Variants in MYOZ3 observed in about 807,000 individuals in gnomAD.
The protein encoded by MYOZ3 is myozenin-3.
A neutral mutation model predicts 26.5 loss-of-function variants in MYOZ3; 19 were observed. The observed-to-expected ratio is 0.72, with a 90% CI of 0.50 to 1.05. The LOEUF is 1.05. MYOZ3 is among the 50% of genes least tolerant of loss of function. MYOZ3 has a pLI of 0.00. For missense variants in MYOZ3, 322 were observed against 337.1 expected, an observed-to-expected ratio of 0.96 and a Z score of 0.35; for synonymous variants, 135 against 138.8, an observed-to-expected ratio of 0.97 and a Z score of 0.19.
chr5:150,666,886 A>C (rs1299305976), intron 2 of MYOZ3, among the ~76,000 whole-genome samples: 2 of 151,786 alleles, frequency 1.3e-5, no homozygotes, highest in East Asian at 1.9e-4. Context: ...CAGCCTCCCA[A>C]GTAGCTGAAT....
chr5:150,676,581 T>C (rs1759010884), intron 6 of MYOZ3, 126 bp from the exon 7 acceptor site: 4 of 670,196 alleles, frequency 6.0e-6, no homozygotes, highest in Non-Finnish European at 9.8e-6. Context: ...AGAATCTTGC[T>C]GTATAGAAGG....
Position 150,676,691 on chromosome 5 carries a change from T to C in MYOZ3, c.588-16T>C. 6.2e-7 allele frequency: 1 copy of C among 1,612,088 alleles called. No homozygotes were observed. Among genetic ancestry groups the C allele is most frequent in the Non-Finnish European group, 8.5e-7 (1 of 1,178,824 alleles). On this transcript the variant is annotated splice_polypyrimidine_tract_variant and intron_variant, in intron 6 of 6. Transcript: ENST00000517768. ...GTTCCACACAGCCCACCTCTCCTGC[T>C]GCTCTCTTTCTCCAGGACCCCGGTG... is the stretch of plus-strand genomic sequence containing the variant.
At chr5:150,670,774 C>A in intron 3 of MYOZ3, 136 bp downstream of exon 3, 1 of 775,830 alleles carries the variant, frequency 1.3e-6, no homozygotes, top group Non-Finnish European at 1.9e-6. Flanking sequence ...TCAGTGTGAT[C>A]CTTGAAAAGT....
chr5:150,671,962 T>G, intron 5 of MYOZ3, 54 bp downstream of exon 5: 7 of 1,472,944 alleles, frequency 4.8e-6, no homozygotes, highest in African/African-American at 1.4e-5. Context: ...GAAGCATGGG[T>G]GTGCTCCCCA....
chr5:150,671,992 A>G, intron 5 of MYOZ3, 84 bp downstream of exon 5: 2 of 1,446,624 alleles, frequency 1.4e-6, no homozygotes, highest in Non-Finnish European at 1.8e-6. Context: ...AAGAGCACCC[A>G]GAAGGCTAGT....
chr5:150,669,633 CTTTTTTTTTTTTTTT>C (rs532402882), intron 2 of MYOZ3, among the ~76,000 whole-genome samples: 305 of 47,758 alleles, frequency 6.4e-3, no homozygotes, highest in Middle Eastern at 0.017. Context: ...CCCATATATG[CTTTTTTTTTTTTTTT>C]TTTTTTTTTT....
chr5:150,673,638 C>T lies in MYOZ3; in HGVS notation c.587+1136C>T, dbSNP rs565675540. On this transcript the variant is annotated intron_variant, in intron 6 of 6. Coordinates refer to ENST00000517768, the MANE Select transcript of MYOZ3 (RefSeq NM_001122853.3). ...TACAGGCATGAGCCACCGCCCCCGG[C>T]GTATTATGATTATTATTTACAGCTG... 5.9e-5 allele frequency among the ~76,000 whole-genome samples: 9 copies of T among 152,264 alleles called. No homozygotes were observed. The South Asian group carries it at 1.2e-3, about 21-fold the overall frequency.
intron 5 of MYOZ3, 93 bp downstream of exon 5, chr5:150,672,001 G>C: frequency 7.0e-7 from 1 of 1,437,560 alleles, no homozygotes; most frequent in Non-Finnish European, 9.2e-7. Context: ...CAGAAGGCTA[G>C]TCCGCCCCCT....
chr5:150,674,718 G>C (rs888715), intron 6 of MYOZ3, among the ~76,000 whole-genome samples: 34,893 of 152,214 alleles, frequency 0.23, 8,845 homozygotes, highest in African/African-American at 0.63. Context: ...TTAAAATTAA[G>C]AAACAGTATT....
At chr5:150,665,367 A>C (rs1335118351) in intron 2 of MYOZ3, among the ~76,000 whole-genome samples, 1 of 152,124 alleles carries the variant, frequency 6.6e-6, no homozygotes. Flanking sequence ...GGCGCTGTGG[A>C]GCATCCATTC....
Position 150,662,941 on chromosome 5 carries a change from G to A in MYOZ3, c.-1G>A, listed in dbSNP as rs767901883. The A allele has an allele frequency of 6.2e-7, 1 of 1,611,158 alleles. No homozygotes were observed. ...ATTTATGGGGGTCTCTCCTCCACAG[G>A]ATGATCCCCAAGGAGCAGAAGGGGC... On this transcript the variant is annotated splice_region_variant and 5_prime_UTR_variant, in exon 2 of 7. Coordinates refer to ENST00000517768, the MANE Select transcript of MYOZ3 (RefSeq NM_001122853.3).
At position 150,671,821 on chromosome 5, in the gene MYOZ3, C is replaced by G; in HGVS notation, c.337C>G (p.Pro113Ala). The G allele has an allele frequency of 6.2e-7, 1 of 1,611,806 alleles. No homozygotes were observed. Among genetic ancestry groups the G allele is most frequent in the Non-Finnish European group, 8.5e-7 (1 of 1,179,692 alleles). Reference protein sequence around the residue: ...RSELHIFPASPGASLGGPEGA... With the variant: ...RSELHIFPASAGASLGGPEGA... ...GGAGCTCCACATCTTCCCGGCCTCA[C>G]CCGGGGCCTCACTCGGGGGTCCCGA... Residue 113 changes from proline to alanine, a missense_variant, in exon 5 of 7, where the codon CCC becomes GCC. Pro to Ala is a conservative substitution (Grantham distance 27). Transcript: ENST00000517768.
chr5:150,671,278 C>A, intron 3 of MYOZ3: 1 of 356,696 alleles, frequency 2.8e-6, no homozygotes, highest in African/African-American at 2.1e-5. Flanking sequence ...TTGCAGGTAT[C>A]TCATTTAATG....
rs774283508 is a variant in MYOZ3 at position 150,671,643 on chromosome 5, C to T, written c.263C>T (p.Ser88Leu). ...ARRKVTGTAESGTVANANGPE... is the reference protein window; with the variant it reads ...ARRKVTGTAELGTVANANGPE... ...AGGAAGGTGACTGGAACAGCGGAGT[C>T]GGGGACGGTGAGCGTGGAGGGGAGC... is the stretch of plus-strand genomic sequence containing the variant. Residue 88 changes from serine (S) to leucine (L), a missense_variant, in exon 4 of 7, where the codon TCG becomes TTG. By Grantham distance (145) the Ser-to-Leu change is moderately radical (BLOSUM62 -2). Coordinates refer to ENST00000517768, the MANE Select transcript of MYOZ3 (RefSeq NM_001122853.3). The T allele has an allele frequency of 1.8e-5, 29 of 1,613,594 alleles. No homozygotes were observed. Among genetic ancestry groups the T allele is most frequent in the Non-Finnish European group, 2.5e-5 (29 of 1,179,906 alleles).
chr5:150,666,282 T>C (rs1561668700), intron 2 of MYOZ3, among the ~76,000 whole-genome samples: 1 of 152,074 alleles, frequency 6.6e-6, no homozygotes, highest in Non-Finnish European at 1.5e-5. Flanking sequence ...TCCTTGCAGA[T>C]TTTTCAATGC....
At chr5:150,666,386 G>C (rs1473720056) in intron 2 of MYOZ3, among the ~76,000 whole-genome samples, 1 of 151,864 alleles carries the variant, frequency 6.6e-6, no homozygotes, top group Non-Finnish European at 1.5e-5. Context: ...GGCTGAGGCG[G>C]GCAGATCACT....
rs1758906494 is a variant in MYOZ3 at position 150,671,386 on chromosome 5, C to T, written c.217-211C>T. On this transcript the variant is annotated intron_variant, in intron 3 of 6. Transcript: ENST00000517768. ...AGGGAAATTAAGTATCTTGCCCGGACTCGGCATTACAATAGCAATTAACAT... is the reference window on the plus strand; with the variant it reads ...AGGGAAATTAAGTATCTTGCCCGGATTCGGCATTACAATAGCAATTAACAT... The T allele has an allele frequency of 6.7e-6, 4 of 596,576 alleles. No individual in the cohort carries two copies. The Admixed American group carries it at 9.1e-5, about 14-fold the overall frequency. The allele number at this position is 596,576 out of a possible 1,614,324, so 37.0% of individuals were successfully genotyped here. A position where few individuals can be genotyped will look rare whatever the true frequency, so the allele number is the denominator to read the frequency against.
At position 150,671,506 on chromosome 5, in the gene MYOZ3, TC is replaced by T. The variant is rs3832354; in HGVS notation, c.217-85del. The T allele has an allele frequency of 5.2e-3, 7,216 of 1,385,458 alleles. 198 individuals carry two copies. The highest frequency in any genetic ancestry group is 0.048 in the South Asian group (3,895 of 81,026). The allele number at this position is 1,385,458 out of a possible 1,614,324, so 85.8% of individuals were successfully genotyped here. ...GATGATGGGCGTTAGGATTCTTGCC[TC>T]CCCCCGACCTTTTTTTTTGGTGGAG... On this transcript the variant is annotated intron_variant, in intron 3 of 6. Transcript: ENST00000517768.
intron 2 of MYOZ3, among the ~76,000 whole-genome samples, chr5:150,668,140 G>T (rs1323814995): frequency 6.6e-6 from 1 of 152,098 alleles, no homozygotes; most frequent in Non-Finnish European, 1.5e-5. Context: ...CAGGCCAGTT[G>T]TCCTGTAGAA....
Sources: allele counts gnomAD v4.1 joint callset (sites outside exome capture counted in the v4.1 genomes callset), GRCh38; gene constraint gnomAD v4.1.1; transcripts MANE v1.5; gene names NCBI Gene and HGNC (gene_info 2026-07-23, HGNC 2026-07-21).